AKAP9: variants seen among roughly 807,000 people sequenced by gnomAD.
The protein encoded by AKAP9 is A-kinase anchor protein 9.
A neutral mutation model predicts 488.5 loss-of-function variants in AKAP9; 311 were observed. That is an observed-to-expected ratio of 0.64 (90% CI 0.58 to 0.70). The LOEUF is 0.70. AKAP9 is among the 30% of genes least tolerant of loss of function. The pLI is 0.00. For missense variants in AKAP9, 4,215 were observed against 4,374.5 expected (o/e 0.96, Z 1.03); for synonymous variants, 1,462 against 1,483.5 (o/e 0.99, Z 0.33).
At chr7:92,089,582 CTTTG>C (rs1287799837) in intron 38 of AKAP9, 53 bp downstream of exon 38, 1 of 1,553,190 alleles carries the variant, frequency 6.4e-7, no homozygotes, top group Non-Finnish European at 8.8e-7. Flanking sequence ...AAAGATTTCA[CTTTG>C]TTTTCTTTCT....
At chr7:92,038,350 A>G in intron 16 of AKAP9, 69 bp from the exon 17 acceptor site, 1 of 1,271,204 alleles carries the variant, frequency 7.9e-7, no homozygotes, top group Non-Finnish European at 1.1e-6. Context: ...TTTGAGTACT[A>G]ATTTACTTTT....
intron 28 of AKAP9, among the ~76,000 whole-genome samples, chr7:92,072,962 A>G (rs772837591): frequency 3.9e-5 from 6 of 152,188 alleles, no homozygotes; most frequent in Non-Finnish European, 7.3e-5. Flanking sequence ...AAGTGGTTGA[A>G]AAGGAGTTCC....
chr7:92,095,193 T>C lies in AKAP9; in HGVS notation c.9729+20T>C, dbSNP rs1816355767. On this transcript the variant is annotated intron_variant, in intron 40 of 49. Coordinates refer to ENST00000356239, the MANE Select transcript of AKAP9 (RefSeq NM_005751.5). The stretch of plus-strand genomic sequence containing the variant: ...CTTGAGGTACTGTTATCTTTGTCTT[T>C]AAATGTCTGGAAAATCCAGAATGAT... The C allele has an allele frequency of 6.2e-7, 1 of 1,613,884 alleles. No homozygotes were observed. The highest frequency in any genetic ancestry group is 1.7e-5 in the Admixed American group (1 of 60,004).
chr7:92,093,172 A>G lies in AKAP9; in HGVS notation c.9434A>G (p.Asp3145Gly). 6.2e-7 allele frequency: 1 copy of G among 1,614,212 alleles called. No individual in the cohort carries two copies. The highest frequency in any genetic ancestry group is 8.5e-7 in the Non-Finnish European group (1 of 1,180,024). ...EMQVELSSMK[D>G]RATELQEQLS... ...CAAGTGGAGCTCAGCAGTATGAAAG[A>G]CAGAGCAACGGAACTGCAGGAGCAG... Residue 3145 changes from aspartate (D) to glycine (G), a missense_variant, in exon 39 of 50, where the codon GAC becomes GGC. Coordinates refer to ENST00000356239, the MANE Select transcript of AKAP9 (RefSeq NM_005751.5).
intron 33 of AKAP9, 108 bp from the exon 34 acceptor site, chr7:92,084,532 G>T (rs534671992): frequency 2.9e-4 from 213 of 741,248 alleles, no homozygotes; most frequent in Middle Eastern, 2.7e-3. Flanking sequence ...ATTATGAAAG[G>T]TGTGACAGAT....
chr7:92,061,299 G>A lies in AKAP9; in HGVS notation c.5641G>A (p.Glu1881Lys), dbSNP rs1366059671. The change falls in exon 23 of 50, where the codon GAG becomes AAG. Residue 1881 changes from glutamate (E) to lysine (K), a missense_variant. Transcript: ENST00000356239. ...AKVTQTELMRESFRQKQEATE... is the reference protein window; with the variant it reads ...AKVTQTELMRKSFRQKQEATE... ...AGTGACACAGACAGAGTTGATGCGT[G>A]AGTCATTTAGACAGAAACAAGAAGC... 1 of 1,612,828 alleles carries A rather than the reference G, an allele frequency of 6.2e-7. No homozygotes were observed. Among genetic ancestry groups the A allele is most frequent in the Non-Finnish European group, 8.5e-7 (1 of 1,179,272 alleles).
At chr7:91,971,385 G>A (rs1478599508) in intron 1 of AKAP9, among the ~76,000 whole-genome samples, 1 of 151,838 alleles carries the variant, frequency 6.6e-6, no homozygotes, top group Admixed American at 6.6e-5. Flanking sequence ...GTTTTTCTGT[G>A]TAATGGAGAT....
Position 92,029,936 on chromosome 7 carries a change from A to G in AKAP9, c.4190A>G (p.Gln1397Arg), listed in dbSNP as rs139612565. ...GTGGTAATTACAGAATCTGATGCAC[A>G]GAGAACAATGTACCCTGGAAGTTGT... is the stretch of plus-strand genomic sequence containing the variant. ...DSVVITESDA[Q>R]RTMYPGSCVK... Residue 1397 changes from glutamine (Q) to arginine (R), a missense_variant, in exon 15 of 50, where the codon CAG (glutamine) becomes CGG (arginine). Transcript: ENST00000356239. 2.7e-4 allele frequency: 443 copies of G among 1,613,248 alleles called. 1 individual carries two copies. In the Middle Eastern group the frequency reaches 7.3e-3, roughly 26 times the overall value.
chr7:92,047,247 C>T (rs1485673437), intron 21 of AKAP9, among the ~76,000 whole-genome samples: 1 of 151,512 alleles, frequency 6.6e-6, no homozygotes, highest in Non-Finnish European at 1.5e-5. Context: ...TTTTGAGTCT[C>T]GCTCTGTCAC....
At chr7:91,960,877 A>T (rs931660399) in intron 1 of AKAP9, among the ~76,000 whole-genome samples, 1 of 152,208 alleles carries the variant, frequency 6.6e-6, no homozygotes, top group Non-Finnish European at 1.5e-5. Context: ...GGAAAGACTT[A>T]TATGAAGAAA....
chr7:92,046,133 CTCT>C (rs1325373496), intron 21 of AKAP9, among the ~76,000 whole-genome samples: 1 of 152,136 alleles, frequency 6.6e-6, no homozygotes, highest in African/African-American at 2.4e-5. Context: ...CATGCCCGGC[CTCT>C]TCTTTCTATT....
At chr7:92,096,654 T>C in intron 40 of AKAP9, 35 bp from the exon 41 acceptor site, 1 of 1,612,216 alleles carries the variant, frequency 6.2e-7, no homozygotes, top group Non-Finnish European at 8.5e-7. Flanking sequence ...TTTAATAATA[T>C]TAACAAGTTC....
intron 2 of AKAP9, among the ~76,000 whole-genome samples, chr7:91,975,921 G>GTTTTTTTTTTTTTTT (rs1186917564): frequency 9.0e-6 from 1 of 111,694 alleles, no homozygotes; most frequent in Non-Finnish European, 1.9e-5. Flanking sequence ...TTGTTTGTTT[G>GTTTTTTTTTTTTTTT]TTTGTTTTTT....
At position 92,076,837 on chromosome 7, in the gene AKAP9, A is replaced by T. The variant is rs1424987372; in HGVS notation, c.6613-18A>T. 34 of 1,364,972 alleles carry T rather than the reference A, an allele frequency of 2.5e-5. No individual in the cohort carries two copies. The highest frequency in any genetic ancestry group is 3.4e-5 in the Non-Finnish European group (33 of 983,342). The allele number at this position is 1,364,972 out of a possible 1,614,324, so 84.6% of individuals were successfully genotyped here. A position where few individuals can be genotyped will look rare whatever the true frequency, so the allele number is the denominator to read the frequency against. On this transcript the variant is annotated intron_variant, in intron 28 of 49. Transcript: ENST00000356239. ...TTGTATAAACATTTTTTCTCTTTTG[A>T]TAATTTTGTTATTAAAGATTACAAA...
intron 21 of AKAP9, among the ~76,000 whole-genome samples, chr7:92,051,987 T>A (rs76298046): frequency 1.3e-5 from 2 of 152,196 alleles, no homozygotes; most frequent in African/African-American, 4.8e-5. Flanking sequence ...CATTTTTTTT[T>A]AACATAAGAA....
chr7:91,947,160 G>A (rs1791548785), intron 1 of AKAP9, among the ~76,000 whole-genome samples: 1 of 100,748 alleles, frequency 9.9e-6, no homozygotes, highest in Non-Finnish European at 2.0e-5. Flanking sequence ...TGTCTGGGGT[G>A]TGTGTGTGTG....
At chr7:91,993,735 C>T (rs1318330347) in intron 5 of AKAP9, among the ~76,000 whole-genome samples, 1 of 152,166 alleles carries the variant, frequency 6.6e-6, no homozygotes, top group Non-Finnish European at 1.5e-5. Flanking sequence ...TTTATGATAG[C>T]TAGCCTGAAA....
chr7:92,026,660 G>A (rs974102525), intron 14 of AKAP9, among the ~76,000 whole-genome samples: 11 of 152,134 alleles, frequency 7.2e-5, no homozygotes, highest in African/African-American at 9.7e-5. Context: ...GCTGGAGTGC[G>A]TGGCGTGATC....
intron 27 of AKAP9, 23 bp from the exon 28 acceptor site, chr7:92,070,882 A>G: frequency 2.0e-6 from 3 of 1,480,220 alleles, no homozygotes; most frequent in East Asian, 2.5e-5. Context: ...TCAAATTTTG[A>G]GAAAATTTTT....
Sources: allele counts gnomAD v4.1 joint callset (sites outside exome capture counted in the v4.1 genomes callset), GRCh38; gene constraint gnomAD v4.1.1; transcripts MANE v1.5; gene names NCBI Gene and HGNC (gene_info 2026-07-23, HGNC 2026-07-21).